PRTFDC1: variants seen among roughly 807,000 people sequenced by gnomAD.
PRTFDC1 encodes phosphoribosyl transferase domain containing 1.
A neutral mutation model predicts 34.6 loss-of-function variants in PRTFDC1; 38 were observed. That is an observed-to-expected ratio of 1.10 (90% CI 0.85 to 1.44). The LOEUF (loss-of-function observed/expected upper bound fraction) is 1.44. Ranked by LOEUF, PRTFDC1 falls within the 40% of genes most tolerant of loss-of-function variation. The pLI is 0.00. For missense variants in PRTFDC1, 270 were observed against 283.0 expected (o/e 0.95, Z 0.33); for synonymous variants, 93 against 98.1 (o/e 0.95, Z 0.31).
At chr10:24,886,906 C>T (rs1848176242) in intron 3 of PRTFDC1, among the ~76,000 whole-genome samples, 1 of 150,594 alleles carries the variant, frequency 6.6e-6, no homozygotes, top group Non-Finnish European at 1.5e-5. Flanking sequence ...GCGTATCCTG[C>T]ATTTTACCAT....
intron 3 of PRTFDC1, among the ~76,000 whole-genome samples, chr10:24,924,957 TC>T (rs1372357936): frequency 1.3e-5 from 2 of 152,190 alleles, no homozygotes; most frequent in Non-Finnish European, 2.9e-5. Flanking sequence ...GACCCAGGGA[TC>T]CCATTACTGG....
chr10:24,881,352 T>G (rs552064860), intron 3 of PRTFDC1, among the ~76,000 whole-genome samples: 53 of 152,262 alleles, frequency 3.5e-4, no homozygotes, highest in African/African-American at 1.2e-3. Flanking sequence ...CCCACTTTGC[T>G]GTTTTCATCC....
intron 3 of PRTFDC1, among the ~76,000 whole-genome samples, chr10:24,909,782 G>A (rs1436095619): frequency 1.3e-5 from 2 of 152,104 alleles, no homozygotes; most frequent in East Asian, 3.8e-4. Context: ...CAGTAATTAG[G>A]TGGGGGTCTA....
At chr10:24,874,737 A>C (rs769452844) in intron 3 of PRTFDC1, among the ~76,000 whole-genome samples, 1 of 152,192 alleles carries the variant, frequency 6.6e-6, no homozygotes, top group Admixed American at 6.5e-5. Flanking sequence ...TGTTTTTTTA[A>C]AATTTTTAAT....
chr10:24,903,556 C>T (rs1477142710), intron 3 of PRTFDC1, among the ~76,000 whole-genome samples: 1 of 152,154 alleles, frequency 6.6e-6, no homozygotes, highest in Non-Finnish European at 1.5e-5. Flanking sequence ...AATCATCCTA[C>T]ACTATTTATG....
intron 3 of PRTFDC1, among the ~76,000 whole-genome samples, chr10:24,927,009 A>T (rs1401696967): frequency 6.6e-6 from 1 of 152,250 alleles, no homozygotes; most frequent in Non-Finnish European, 1.5e-5. Context: ...TATAAAATAA[A>T]AAGGCTGTAA....
At chr10:24,921,448 G>C (rs1848786424) in intron 3 of PRTFDC1, among the ~76,000 whole-genome samples, 1 of 152,166 alleles carries the variant, frequency 6.6e-6, no homozygotes, top group Admixed American at 6.5e-5. Context: ...AGAGGAAGGA[G>C]TCATTCCAGG....
intron 3 of PRTFDC1, among the ~76,000 whole-genome samples, chr10:24,900,695 A>C (rs565838579): frequency 6.6e-6 from 1 of 152,234 alleles, no homozygotes; most frequent in East Asian, 1.9e-4. Context: ...TACAAACCAA[A>C]TCAACAAATC....
chr10:24,937,340 C>T lies in PRTFDC1; in HGVS notation c.183G>A (p.Met61Ile). 1 of 1,610,852 alleles carries T rather than the reference C, an allele frequency of 6.2e-7. No homozygotes were observed. Among genetic ancestry groups the T allele is most frequent in the Non-Finnish European group, 8.5e-7 (1 of 1,179,262 alleles). Residue 61 changes from methionine to isoleucine, a missense_variant, in exon 3 of 9, where the codon ATG (methionine) becomes ATA (isoleucine). By Grantham distance (10) the Met-to-Ile change is conservative. Coordinates refer to ENST00000320152, the MANE Select transcript of PRTFDC1 (RefSeq NM_020200.7). ...DRIERLAKDI[M>I]KDIGYSDIMV... The stretch of plus-strand genomic sequence containing the variant: ...TGATGTCACTATATCCTATGTCTTT[C>T]ATAATATCCTTGGCCAGCCGCTCAA...
Position 24,952,387 on chromosome 10 carries a change from T to C in PRTFDC1, c.48+141A>G. ...GGGAGAGGAGGCCCGGGTCCGAGGA[T>C]GGAAGCGATCCCCGCCGGGAGGGAG... On this transcript the variant is annotated intron_variant, in intron 1 of 8. Transcript: ENST00000320152. The surrounding 1 kb of genome is among the most constrained non-coding windows in gnomAD (Gnocchi z 5.1). The C allele has an allele frequency of 4.1e-6, 4 of 969,670 alleles. No homozygotes were observed. The South Asian group carries it at 6.1e-5, about 15-fold the overall frequency. The allele number at this position is 969,670 out of a possible 1,614,324, so 60.1% of individuals were successfully genotyped here.
intron 3 of PRTFDC1, among the ~76,000 whole-genome samples, chr10:24,890,695 T>A (rs906869573): frequency 6.6e-6 from 1 of 152,180 alleles, no homozygotes; most frequent in Non-Finnish European, 1.5e-5. Context: ...ATAAATTGAT[T>A]GAACTGCTTT....
chr10:24,931,272 A>T (rs575270493), intron 3 of PRTFDC1, among the ~76,000 whole-genome samples: 1 of 152,256 alleles, frequency 6.6e-6, no homozygotes, highest in African/African-American at 2.4e-5. Context: ...ATATGTTTGT[A>T]TTAGAAAATA....
intron 2 of PRTFDC1, among the ~76,000 whole-genome samples, chr10:24,938,247 T>C (rs939614958): frequency 6.6e-6 from 1 of 151,520 alleles, no homozygotes; most frequent in Non-Finnish European, 1.5e-5. Flanking sequence ...AAAAAGAACA[T>C]TTGTTTCCAA....
intron 1 of PRTFDC1, among the ~76,000 whole-genome samples, chr10:24,948,732 C>T (rs999083190): frequency 2.6e-5 from 4 of 152,186 alleles, no homozygotes; most frequent in African/African-American, 9.7e-5. Context: ...TGATTTACTC[C>T]AATGCCTACC....
intron 3 of PRTFDC1, among the ~76,000 whole-genome samples, chr10:24,933,344 T>C (rs954437485): frequency 2.0e-5 from 3 of 151,864 alleles, no homozygotes; most frequent in African/African-American, 7.3e-5. Context: ...TCAAAACACA[T>C]ATCTAATAAA....
intron 3 of PRTFDC1, among the ~76,000 whole-genome samples, chr10:24,931,913 G>GAAAA (rs374618686): frequency 1.5e-5 from 2 of 132,300 alleles, no homozygotes; most frequent in Admixed American, 7.3e-5. Flanking sequence ...GGCACTATAA[G>GAAAA]AAAAAAAAAA....
At chr10:24,857,137 G>T in intron 5 of PRTFDC1, 142 bp from the exon 6 acceptor site, 2 of 732,532 alleles carry the variant, frequency 2.7e-6, no homozygotes, top group Non-Finnish European at 4.8e-6. Context: ...AGGAAGAGTT[G>T]GTTATGTTTT....
In PRTFDC1 at chr10:24,884,761, C is replaced by A. The variant is rs1848136304; in HGVS notation, c.340-12698G>T. On this transcript the variant is annotated intron_variant, in intron 3 of 8. Coordinates refer to ENST00000320152, the MANE Select transcript of PRTFDC1 (RefSeq NM_020200.7). ...AGAACAGCCTACCTGGGGAAACAGG[C>A]AAAGAGAAAGGGATATTGGCCATCC... 3.3e-5 allele frequency among the ~76,000 whole-genome samples: 5 copies of A among 152,250 alleles called. No homozygotes were observed. In the South Asian group the frequency reaches 1.0e-3, roughly 32 times the overall value.
intron 3 of PRTFDC1, among the ~76,000 whole-genome samples, chr10:24,884,722 C>T (rs1282178824): frequency 6.6e-6 from 1 of 152,076 alleles, no homozygotes; most frequent in African/African-American, 2.4e-5. Context: ...GAGTTAGGGG[C>T]AGTGGTGGAG....
Sources: allele counts gnomAD v4.1 joint callset (sites outside exome capture counted in the v4.1 genomes callset), GRCh38; gene constraint gnomAD v4.1.1; non-coding constraint Gnocchi (gnomAD v3.1); transcripts MANE v1.5; gene names NCBI Gene and HGNC (gene_info 2026-07-23, HGNC 2026-07-21).